ASIC2: variants seen among roughly 807,000 people sequenced by gnomAD.
ASIC2 encodes the protein acid sensing ion channel subunit 2, also known as acid-sensing ion channel 2.
Under a neutral mutation model 57.3 loss-of-function variants are expected in ASIC2, and 25 were observed. The observed-to-expected ratio is 0.44, with a 90% CI of 0.32 to 0.61. The LOEUF is 0.61. Ranked by LOEUF, ASIC2 falls within the 20% of genes least tolerant of loss-of-function variation. The probability of loss-of-function intolerance (pLI) is 0.06; values close to 1 mark genes in which losing one functional copy is unlikely to be tolerated. For missense variants in ASIC2, 641 were observed against 738.1 expected (o/e 0.87, Z 1.52); for synonymous variants, 319 against 307.5 (o/e 1.04, Z -0.39).
chr17:33,189,958 G>A (rs1308702586), intron 1 of ASIC2, among the ~76,000 whole-genome samples: 4 of 152,086 alleles, frequency 2.6e-5, no homozygotes, highest in African/African-American at 2.4e-5. Flanking sequence ...CTTCCCCTAC[G>A]ATCAAGGCAA....
At chr17:33,057,157 A>G (rs915287147) in intron 3 of ASIC2, among the ~76,000 whole-genome samples, 3 of 152,156 alleles carry the variant, frequency 2.0e-5, no homozygotes, top group Non-Finnish European at 4.4e-5. Flanking sequence ...CTTGTTAGAA[A>G]TGCAGATTCC....
intron 1 of ASIC2, among the ~76,000 whole-genome samples, chr17:33,916,588 A>G (rs1013943930): frequency 1.3e-5 from 2 of 152,340 alleles, no homozygotes; most frequent in Admixed American, 6.5e-5. Context: ...GCAGAAATCT[A>G]ATACAATCAT....
At chr17:33,916,260 G>C (rs561142315) in intron 1 of ASIC2, among the ~76,000 whole-genome samples, 2 of 152,142 alleles carry the variant, frequency 1.3e-5, no homozygotes, top group Non-Finnish European at 2.9e-5. Context: ...TTTTTCTGAG[G>C]CTGCTGAGAC....
At chr17:34,025,446 C>T (rs1015696483) in intron 1 of ASIC2, among the ~76,000 whole-genome samples, 3 of 152,168 alleles carry the variant, frequency 2.0e-5, no homozygotes, top group African/African-American at 7.2e-5. Flanking sequence ...GAAGCACTTA[C>T]ACACAAAAGC....
intron 1 of ASIC2, chr17:33,581,304 A>T (rs1242013463): frequency 6.6e-6 from 1 of 152,218 alleles, no homozygotes; most frequent in African/African-American, 2.4e-5. Context: ...GCTCAGTCCT[A>T]CAGCTGCATG....
intron 1 of ASIC2, among the ~76,000 whole-genome samples, chr17:33,575,167 G>T (rs1916578553): frequency 6.6e-6 from 1 of 152,328 alleles, no homozygotes; most frequent in African/African-American, 2.4e-5. Flanking sequence ...ACCAACAGCA[G>T]AGTGGTTGGC....
chr17:33,409,707 G>A (rs114467627), intron 1 of ASIC2, among the ~76,000 whole-genome samples: 1,706 of 152,294 alleles, frequency 0.011, 34 homozygotes, highest in African/African-American at 0.036. Flanking sequence ...GGAGGCCGAG[G>A]GAGCTGGACC....
chr17:34,063,508 G>A lies in ASIC2; in HGVS notation c.555+92470C>T, dbSNP rs376108587. Among the ~76,000 whole-genome samples the A allele has an allele frequency of 2.9e-4, 44 of 152,266 alleles. No individual in the cohort carries two copies. The South Asian group carries it at 8.7e-3, about 30-fold the overall frequency. ...ACTCCTCTTCAACACAGTACTGGAA[G>A]TCCTAGCCAGAGCAATCAGACAAGA... is the stretch of plus-strand genomic sequence containing the variant. On this transcript the variant is annotated intron_variant, in intron 1 of 9. Coordinates refer to the ASIC2 transcript ENST00000359872.
At chr17:33,466,589 G>C (rs867432008) in intron 1 of ASIC2, among the ~76,000 whole-genome samples, 9 of 152,064 alleles carry the variant, frequency 5.9e-5, no homozygotes, top group South Asian at 2.1e-4. Context: ...TACCTGACTT[G>C]AAACTATACT....
chr17:33,605,726 G>A (rs979975146), intron 1 of ASIC2, among the ~76,000 whole-genome samples: 1 of 152,150 alleles, frequency 6.6e-6, no homozygotes, highest in Non-Finnish European at 1.5e-5. Flanking sequence ...TATCAACAGC[G>A]CTAACCAAGG....
intron 1 of ASIC2, among the ~76,000 whole-genome samples, chr17:33,887,701 C>T (rs1296951794): frequency 6.6e-6 from 1 of 152,190 alleles, no homozygotes; most frequent in Non-Finnish European, 1.5e-5. Context: ...ACCGGGTCAG[C>T]ACCTCTCTAG....
In ASIC2 at chr17:33,923,949, G is replaced by A. The variant is rs568189958; in HGVS notation, c.555+232029C>T. Among the ~76,000 whole-genome samples the A allele has an allele frequency of 2.6e-5, 4 of 152,236 alleles. No individual in the cohort carries two copies. The East Asian group carries it at 7.7e-4, about 29-fold the overall frequency. ...CAGAAGATACAGGGAAGAGAGCCCCGGACTCACAGGCAGAATGGGCCAGGT... is the reference window on the plus strand; with the variant it reads ...CAGAAGATACAGGGAAGAGAGCCCCAGACTCACAGGCAGAATGGGCCAGGT... On this transcript the variant is annotated intron_variant, in intron 1 of 9. Transcript: ENST00000359872.
intron 1 of ASIC2, among the ~76,000 whole-genome samples, chr17:33,250,808 C>A (rs907970384): frequency 6.6e-6 from 1 of 152,170 alleles, no homozygotes; most frequent in Non-Finnish European, 1.5e-5. Context: ...TGGAACCCTA[C>A]AACTCTAAGG....
chr17:33,897,594 G>A (rs1234776542), intron 1 of ASIC2, among the ~76,000 whole-genome samples: 1 of 152,176 alleles, frequency 6.6e-6, no homozygotes, highest in East Asian at 1.9e-4. Context: ...AAGCCATGGC[G>A]GCACAGTGGT....
intron 1 of ASIC2, among the ~76,000 whole-genome samples, chr17:34,121,823 A>G (rs902980528): frequency 1.1e-4 from 16 of 152,206 alleles, no homozygotes; most frequent in Non-Finnish European, 8.8e-5. Flanking sequence ...AACTTCACAT[A>G]TTATCATCTT....
chr17:33,444,060 T>C (rs1911926363), intron 1 of ASIC2, among the ~76,000 whole-genome samples: 4 of 152,204 alleles, frequency 2.6e-5, no homozygotes, highest in Admixed American at 2.6e-4. Context: ...CCTCTGTTCT[T>C]ACCTGAAATT....
At chr17:33,368,608 T>C (rs534534575) in intron 1 of ASIC2, among the ~76,000 whole-genome samples, 2 of 152,346 alleles carry the variant, frequency 1.3e-5, no homozygotes, top group South Asian at 4.1e-4. Flanking sequence ...ACGTTAGCAC[T>C]GAGTTGCGTG....
At chr17:33,121,926 C>CT (rs1167802545) in intron 1 of ASIC2, among the ~76,000 whole-genome samples, 1 of 152,226 alleles carries the variant, frequency 6.6e-6, no homozygotes, top group Non-Finnish European at 1.5e-5. Flanking sequence ...GATCTGCCCA[C>CT]TGCCAACACA....
intron 1 of ASIC2, among the ~76,000 whole-genome samples, chr17:33,554,313 A>G (rs1597782439): frequency 6.6e-6 from 1 of 152,034 alleles, no homozygotes. Context: ...GGGGGAAGGG[A>G]GAGAGATAGT....
Sources: gnomAD v4.1 joint callset for allele counts (sites outside exome capture counted in the v4.1 genomes callset) on GRCh38, gnomAD v4.1.1 for gene constraint, MANE v1.5 for transcripts, NCBI Gene and HGNC (gene_info 2026-07-23, HGNC 2026-07-21) for gene names.